The following KCNT2 variants were observed in gnomAD, a reference collection of about 807,000 sequenced individuals.
The protein encoded by KCNT2 is potassium channel subfamily T member 2.
A neutral mutation model predicts 153.8 loss-of-function variants in KCNT2; 67 were observed. The ratio of observed to expected loss-of-function variants is 0.44; its 90% confidence interval spans 0.36 to 0.53. KCNT2 has a LOEUF of 0.53. KCNT2 is among the 20% of genes least tolerant of loss of function. KCNT2 has a pLI of 0.00. For missense variants in KCNT2, 975 were observed against 1,354.8 expected (o/e 0.72, Z 4.40); for synonymous variants, 500 against 458.8 (o/e 1.09, Z -1.15).
intron 1 of KCNT2, among the ~76,000 whole-genome samples, chr1:196,542,299 G>C (rs1196965819): frequency 6.6e-6 from 1 of 152,094 alleles, no homozygotes; most frequent in Admixed American, 6.6e-5. Flanking sequence ...CATAAACATA[G>C]TCAGAAAATT....
chr1:196,240,570 T>C (rs371979323), intron 26 of KCNT2, among the ~76,000 whole-genome samples: 1 of 151,990 alleles, frequency 6.6e-6, no homozygotes, highest in African/African-American at 2.4e-5. Context: ...TGGGCATGCA[T>C]AAATAGAGAA....
At chr1:196,295,354 T>C (rs1031549191) in intron 22 of KCNT2, among the ~76,000 whole-genome samples, 2 of 151,908 alleles carry the variant, frequency 1.3e-5, no homozygotes, top group African/African-American at 4.8e-5. Context: ...CAAATAAAGG[T>C]AAGTTCTGTA....
rs191574945 is a variant in KCNT2 at position 196,554,411 on chromosome 1, T to G, written c.95+53804A>C. On this transcript the variant is annotated intron_variant, in intron 1 of 27. Coordinates refer to ENST00000294725, the MANE Select transcript of KCNT2 (RefSeq NM_198503.5). Reference sequence around the variant, plus strand: ...AACAAGTTGGAAAATCTGGAGGAAATGGATAATTTCCTAGACACATAGGGA... The same window carrying G: ...AACAAGTTGGAAAATCTGGAGGAAAGGGATAATTTCCTAGACACATAGGGA... Among the ~76,000 whole-genome samples the G allele has an allele frequency of 9.8e-4, 149 of 151,336 alleles. 1 individual carries two copies. The Middle Eastern group carries it at 0.01, about 10-fold the overall frequency.
chr1:196,513,169 G>A (rs866664916), intron 1 of KCNT2, among the ~76,000 whole-genome samples: 28 of 152,066 alleles, frequency 1.8e-4, no homozygotes, highest in African/African-American at 6.5e-4. Flanking sequence ...CTTAAAGTTC[G>A]ATTAAACCTC....
chr1:196,373,535 AATGCTTAATCTTCCT>A (rs1668704410), intron 13 of KCNT2, among the ~76,000 whole-genome samples: 2 of 151,878 alleles, frequency 1.3e-5, no homozygotes, highest in African/African-American at 4.8e-5. Flanking sequence ...CTTTTGGTAA[AATGCTTAATCTTCCT>A]ATGCCTAGCA....
intron 1 of KCNT2, among the ~76,000 whole-genome samples, chr1:196,544,850 T>C (rs1315928990): frequency 1.1e-4 from 17 of 152,140 alleles, no homozygotes; most frequent in Admixed American, 1.1e-3. Flanking sequence ...TGTTTTATAG[T>C]ACAAATGATG....
intron 1 of KCNT2, among the ~76,000 whole-genome samples, chr1:196,582,918 C>T (rs1055467677): frequency 2.0e-5 from 3 of 151,828 alleles, no homozygotes; most frequent in East Asian, 1.9e-4. Flanking sequence ...TATAATTATA[C>T]AGGATTATAA....
chr1:196,258,644 T>A, intron 25 of KCNT2, 150 bp from the exon 26 acceptor site: 1 of 712,492 alleles, frequency 1.4e-6, no homozygotes, highest in Non-Finnish European at 2.4e-6. Context: ...ATTCTAATTT[T>A]CCATTACTAA....
chr1:196,577,995 T>TA (rs1661571556), intron 1 of KCNT2, among the ~76,000 whole-genome samples: 1 of 152,160 alleles, frequency 6.6e-6, no homozygotes, highest in African/African-American at 2.4e-5. Flanking sequence ...ATTTTTTTTT[T>TA]ATTAGGAAAA....
intron 25 of KCNT2, among the ~76,000 whole-genome samples, chr1:196,276,421 T>A (rs149942028): frequency 3.3e-5 from 5 of 152,194 alleles, no homozygotes; most frequent in African/African-American, 1.2e-4. Context: ...TTGGCAACTT[T>A]CTAATATTAA....
intron 22 of KCNT2, among the ~76,000 whole-genome samples, chr1:196,297,136 A>ATGTG (rs370733276): frequency 3.7e-4 from 56 of 149,920 alleles, no homozygotes; most frequent in African/African-American, 1.2e-3. Context: ...CTTTCTGTAG[A>ATGTG]TGTGTGTGTG....
chr1:196,430,396 C>CTCTCTCTCTCTT (rs1197814669), intron 8 of KCNT2, among the ~76,000 whole-genome samples: 45 of 148,204 alleles, frequency 3.0e-4, no homozygotes, highest in African/African-American at 9.3e-4. Context: ...CTCTCTCTCT[C>CTCTCTCTCTCTT]TCTCTCTCTC....
chr1:196,509,114 C>G (rs1384806897), intron 1 of KCNT2, among the ~76,000 whole-genome samples: 1 of 151,794 alleles, frequency 6.6e-6, no homozygotes, highest in African/African-American at 2.4e-5. Flanking sequence ...ACTAAAAATA[C>G]AAAAATTAAC....
chr1:196,431,633 A>G (rs200374031), intron 8 of KCNT2, among the ~76,000 whole-genome samples: 3 of 152,136 alleles, frequency 2.0e-5, no homozygotes, highest in East Asian at 3.9e-4. Flanking sequence ...GGAAGGCACA[A>G]TTTAAAGGTG....
At chr1:196,240,568 CATAA>C (rs1373110137) in intron 26 of KCNT2, among the ~76,000 whole-genome samples, 1 of 151,906 alleles carries the variant, frequency 6.6e-6, no homozygotes, top group Non-Finnish European at 1.5e-5. Flanking sequence ...TGTGGGCATG[CATAA>C]ATAGAGAAAG....
intron 1 of KCNT2, among the ~76,000 whole-genome samples, chr1:196,512,671 A>G (rs1416356715): frequency 6.6e-6 from 1 of 152,202 alleles, no homozygotes; most frequent in African/African-American, 2.4e-5. Flanking sequence ...GACACTAGCA[A>G]TAGTGACCTA....
At chr1:196,453,049 G>A (rs1195162242) in intron 8 of KCNT2, among the ~76,000 whole-genome samples, 3 of 151,882 alleles carry the variant, frequency 2.0e-5, no homozygotes, top group Non-Finnish European at 4.4e-5. Flanking sequence ...GTTTTTGCCT[G>A]TTATTTTTGT....
intron 25 of KCNT2, among the ~76,000 whole-genome samples, chr1:196,278,405 G>C (rs1010158426): frequency 6.6e-6 from 1 of 152,092 alleles, no homozygotes; most frequent in Admixed American, 6.6e-5. Context: ...GAATTCAGTA[G>C]AGAAAAACAA....
At chr1:196,381,180 A>G (rs944966109) in intron 13 of KCNT2, among the ~76,000 whole-genome samples, 1 of 152,152 alleles carries the variant, frequency 6.6e-6, no homozygotes, top group Admixed American at 6.5e-5. Context: ...AATAAATATA[A>G]TCTTTTTTGA....
Sources: allele counts gnomAD v4.1 joint callset (sites outside exome capture counted in the v4.1 genomes callset), GRCh38; gene constraint gnomAD v4.1.1; transcripts MANE v1.5; gene names NCBI Gene and HGNC (gene_info 2026-07-23, HGNC 2026-07-21).